The following TAL1 variants were observed in gnomAD, a reference collection of about 807,000 sequenced individuals.
TAL1 encodes T-cell acute lymphocytic leukemia protein 1.
A neutral mutation model predicts 17.9 loss-of-function variants in TAL1; 8 were observed. The observed-to-expected ratio is 0.45, with a 90% confidence interval of 0.26 to 0.81. The LOEUF (loss-of-function observed/expected upper bound fraction) is 0.81, where lower values mean the gene tolerates loss of function less well. Among genes scored for constraint, TAL1 ranks in the 30% least tolerant of loss-of-function variants. TAL1 has a pLI of 0.17. For synonymous variants in TAL1, 223 were observed against 218.6 expected (o/e 1.02, Z -0.18); for missense variants, 466 against 486.9 (o/e 0.96, Z 0.40).
intron 1 of TAL1, chr1:47,227,082 C>A (rs1643924089): frequency 6.6e-6 from 1 of 152,220 alleles, no homozygotes; most frequent in Non-Finnish European, 1.5e-5. Context: ...CTCAACCCTC[C>A]TGTATTCCCA....
At chr1:47,218,791 A>C (rs769370943) in exon 4 of TAL1, 14 of 234,082 alleles carry the variant, frequency 6.0e-5, no homozygotes, top group Non-Finnish European at 1.0e-4. Flanking sequence ...CCCTCTAAGC[A>C]TCCAGGAGAA....
rs1190772983 is a variant in TAL1, at chr1:47,225,519, G to A, written c.370C>T (p.Pro124Ser). ...GGGGCGGCGGGGGCAGCCAGCGCGG[G>A]AGGACTCAGCTGCACCATGCGGCCG... Residue 124 changes from proline (P) to serine (S), a missense_variant, in exon 2 of 4, where the codon CCC becomes TCC. Physicochemically the swap from Pro to Ser is moderately conservative, Grantham distance 74. Transcript: ENST00000294339. The A allele has an allele frequency of 7.3e-6, 9 of 1,237,402 alleles. No individual in the cohort carries two copies. The East Asian group carries it at 2.8e-4, about 39-fold the overall frequency. 76.7% of individuals were successfully genotyped at this position (1,237,402 alleles called of 1,614,324 possible). A position where few individuals can be genotyped will look rare whatever the true frequency, so the allele number is the denominator to read the frequency against.
chr1:47,225,598 G>C, exon 2 of TAL1: 1 of 1,312,376 alleles, frequency 7.6e-7, no homozygotes, highest in African/African-American at 1.5e-5. Flanking sequence ...GGGCGGGCCC[G>C]GGAGGTCTGC....
At chr1:47,226,200 A>G (rs1643908195) in intron 1 of TAL1, 1 of 382,522 alleles carries the variant, frequency 2.6e-6, no homozygotes, top group South Asian at 6.4e-5. Flanking sequence ...AGCCAGCGAC[A>G]GAAACACAGA....
At chr1:47,231,937 A>T (rs997036888), upstream of TAL1, among the ~76,000 whole-genome samples, 1 of 151,596 alleles carries the variant, frequency 6.6e-6, no homozygotes, top group East Asian at 2.0e-4. Context: ...CGTAAGGAAA[A>T]GGGGGAAGGA....
rs915884496 is a variant in TAL1, at chr1:47,225,437, C to T, written c.446+6G>A. 45 of 1,231,144 alleles carry T rather than the reference C, an allele frequency of 3.7e-5. No individual in the cohort carries two copies. Among genetic ancestry groups the T allele is most frequent in the Non-Finnish European group, 4.4e-5 (43 of 988,076 alleles). 76.3% of individuals were successfully genotyped at this position (1,231,144 alleles called of 1,614,324 possible). A position where few individuals can be genotyped will look rare whatever the true frequency, so the allele number is the denominator to read the frequency against. The stretch of plus-strand genomic sequence containing the variant: ...AGCCCCTGGCCCCTGGCCCCTGGCC[C>T]CTGACCTGCCGAGAGAGGCCAGCGG... On this transcript the variant is annotated splice_donor_region_variant and intron_variant, in intron 2 of 3. Transcript: ENST00000294339.
exon 4 of TAL1, chr1:47,219,951 C>T: frequency 1.3e-6 from 2 of 1,555,402 alleles, no homozygotes; most frequent in Non-Finnish European, 1.7e-6. Context: ...CCTTGCCAGT[C>T]TTGGCCCGCT....
intron 1 of TAL1, chr1:47,226,303 A>C: frequency 5.8e-6 from 1 of 170,952 alleles, no homozygotes. Flanking sequence ...GAGGGAACAA[A>C]TTCCGGATCG....
chr1:47,219,893 C>CGGCG lies in TAL1; in HGVS notation c.822_823insCGCC (p.Ala275ArgfsTer6). 1 of 1,562,696 alleles carries CGGCG rather than the reference C, an allele frequency of 6.4e-7. No individual in the cohort carries two copies. Among genetic ancestry groups the CGGCG allele is most frequent in the Non-Finnish European group, 8.7e-7 (1 of 1,153,942 alleles). ...TCTTGCAGGAGGTCATCTGGGGGCG[C>CGGCG]GCCGCCCCCTCCCCCACCTCCACCC... On this transcript the variant is annotated frameshift_variant, in exon 4 of 4. Transcript: ENST00000294339. LOFTEE classifies it high-confidence loss of function.
intron 2 of TAL1, among the ~76,000 whole-genome samples, chr1:47,225,032 C>A (rs1396771533): frequency 6.6e-6 from 1 of 151,866 alleles, no homozygotes; most frequent in Non-Finnish European, 1.5e-5. Context: ...TTTCACACCA[C>A]AAACATCTAC....
At chr1:47,231,206 G>C (rs1340525858), upstream of TAL1, 1 of 181,030 alleles carries the variant, frequency 5.5e-6, no homozygotes, top group Non-Finnish European at 1.2e-5. Context: ...CCTCCGGGCA[G>C]AGCAGCCGCC....
chr1:47,219,708 G>T (rs748427265), exon 4 of TAL1: 1 of 1,607,434 alleles, frequency 6.2e-7, no homozygotes, highest in Admixed American at 1.7e-5. Context: ...TGATCCTGGT[G>T]GCCCAGACCC....
exon 4 of TAL1, chr1:47,219,506 C>G: frequency 2.6e-6 from 2 of 768,234 alleles, no homozygotes; most frequent in Non-Finnish European, 2.2e-6. Context: ...AAGTACCTAC[C>G]ACTTTGCTCC....
rs1206079180 is a variant in TAL1, at chr1:47,224,174, C to T, written c.447-76G>A. 5 of 1,444,954 alleles carry T rather than the reference C, an allele frequency of 3.5e-6. No homozygotes were observed. In the African/African-American group the frequency reaches 7.0e-5, roughly 20 times the overall value. 89.5% of individuals were successfully genotyped at this position (1,444,954 alleles called of 1,614,324 possible). On this transcript the variant is annotated intron_variant, in intron 2 of 3. Coordinates refer to ENST00000294339, the Ensembl canonical transcript of TAL1. ...GAAAGAGCTTCCTTAGGGATCCTCC[C>T]CACATGTCTTGAGCCCCCCACCTCT...
chr1:47,226,884 C>CTCCT (rs1193614805), intron 1 of TAL1, among the ~76,000 whole-genome samples: 1 of 152,222 alleles, frequency 6.6e-6, no homozygotes, highest in East Asian at 1.9e-4. Flanking sequence ...TCACCGCCAT[C>CTCCT]TCCTGCCTTG....
At chr1:47,225,953 G>A in intron 1 of TAL1, 64 bp from the exon 3 acceptor site, 1 of 1,513,300 alleles carries the variant, frequency 6.6e-7, no homozygotes, top group Non-Finnish European at 8.8e-7. Context: ...CCACCGACGT[G>A]GGCTGGGGTA....
chr1:47,220,970 G>A (rs1431242690), intron 3 of TAL1, among the ~76,000 whole-genome samples: 1 of 152,212 alleles, frequency 6.6e-6, no homozygotes, highest in Non-Finnish European at 1.5e-5. Context: ...GAAACAGCCA[G>A]GCACAAGAAG....
At chr1:47,226,878 C>T (rs902127873) in intron 1 of TAL1, among the ~76,000 whole-genome samples, 19 of 152,324 alleles carry the variant, frequency 1.2e-4, no homozygotes, top group East Asian at 7.7e-4. Context: ...CCCCCCTCAC[C>T]GCCATCTCCT....
exon 4 of TAL1, chr1:47,217,754 C>CTG (rs1645526692): frequency 2.5e-6 from 1 of 398,630 alleles, no homozygotes; most frequent in Non-Finnish European, 4.4e-6. Flanking sequence ...CCCATCCATA[C>CTG]TGTGGCTACT....
Sources: allele counts gnomAD v4.1 joint callset (sites outside exome capture counted in the v4.1 genomes callset), GRCh38; gene constraint gnomAD v4.1.1; transcripts MANE v1.5; gene names NCBI Gene and HGNC (gene_info 2026-07-23, HGNC 2026-07-21).